ACTR3C: variants seen among roughly 807,000 people sequenced by gnomAD.
ACTR3C encodes the protein actin related protein 3C, also known as actin-related protein 3C.
Under a neutral mutation model 26.3 loss-of-function variants are expected in ACTR3C, and 18 were observed. The observed-to-expected ratio is 0.68, with a 90% CI of 0.47 to 1.01. The LOEUF (loss-of-function observed/expected upper bound fraction) is 1.01, where lower values mean the gene tolerates loss of function less well. Among genes scored for constraint, ACTR3C ranks in the 50% least tolerant of loss-of-function variants. The pLI is 0.00. For synonymous variants in ACTR3C, 55 were observed against 94.5 expected (o/e 0.58, Z 2.42); for missense variants, 184 against 250.7 (o/e 0.73, Z 1.80).
the ACTR3C span, among the ~76,000 whole-genome samples, chr7:150,078,147 G>A: frequency 6.6e-6 from 1 of 152,146 alleles, no homozygotes; most frequent in East Asian, 1.9e-4. Flanking sequence ...TTATCACTAG[G>A]ATGTTTTTCC....
chr7:150,038,857 C>T, the ACTR3C span, among the ~76,000 whole-genome samples: 2 of 128,940 alleles, frequency 1.6e-5, no homozygotes, highest in East Asian at 2.4e-4. Flanking sequence ...GAACCAGGGG[C>T]TGGCTCTCAG....
At chr7:149,994,784 A>C in the ACTR3C span, among the ~76,000 whole-genome samples, 1 of 152,066 alleles carries the variant, frequency 6.6e-6, no homozygotes, top group East Asian at 1.9e-4. Context: ...ATGTTTACTG[A>C]ATGAATGAGT....
intron 1 of ACTR3C, among the ~76,000 whole-genome samples, chr7:150,298,335 T>A (rs1191821534): frequency 6.7e-6 from 1 of 150,016 alleles, no homozygotes; most frequent in Non-Finnish European, 1.5e-5. Context: ...AATACATAAA[T>A]AAAGTACATT....
intron 5 of ACTR3C, 114 bp downstream of exon 5, chr7:150,286,253 C>A: frequency 7.5e-6 from 10 of 1,341,370 alleles, no homozygotes; most frequent in East Asian, 2.4e-5. Flanking sequence ...GCAGAGAGAC[C>A]GAATGACGGC....
intron 4 of ACTR3C, among the ~76,000 whole-genome samples, chr7:150,287,360 A>ATGCTGCTGC (rs147061695): frequency 2.6e-5 from 4 of 151,950 alleles, no homozygotes; most frequent in Non-Finnish European, 5.9e-5. Context: ...AGCCGCCAGG[A>ATGCTGCTGC]TGCTGCTGCT....
chr7:149,960,686 A>G, the ACTR3C span, among the ~76,000 whole-genome samples: 1 of 152,146 alleles, frequency 6.6e-6, no homozygotes, highest in African/African-American at 2.4e-5. Context: ...CCACCAAGAA[A>G]AAACACAGGT....
the ACTR3C span, among the ~76,000 whole-genome samples, chr7:149,888,332 G>A: frequency 5.3e-5 from 8 of 152,174 alleles, no homozygotes; most frequent in Non-Finnish European, 1.0e-4. Flanking sequence ...GAGTCAAAGA[G>A]CTTTTAATAT....
chr7:150,143,382 G>A, the ACTR3C span, among the ~76,000 whole-genome samples: 4 of 152,082 alleles, frequency 2.6e-5, no homozygotes, highest in South Asian at 6.2e-4. Flanking sequence ...CCCTATTGTC[G>A]TGGGGGAATT....
At chr7:150,206,775 C>T in the ACTR3C span, among the ~76,000 whole-genome samples, 252 of 152,260 alleles carry the variant, frequency 1.7e-3, 2 homozygotes, top group African/African-American at 5.7e-3. Context: ...ATGAATAACA[C>T]CTGTATTACA....
the ACTR3C span, among the ~76,000 whole-genome samples, chr7:150,111,366 G>A: frequency 9.5e-6 from 1 of 105,044 alleles, no homozygotes; most frequent in Non-Finnish European, 1.9e-5. Flanking sequence ...GAGGACCTCC[G>A]AGCCCCTCCT....
the ACTR3C span, among the ~76,000 whole-genome samples, chr7:150,039,217 G>A: frequency 3.9e-4 from 59 of 149,392 alleles, no homozygotes; most frequent in East Asian, 9.8e-3. Context: ...CTGCGATGGG[G>A]GTCCTAAGAG....
At chr7:150,227,855 T>A in the ACTR3C span, among the ~76,000 whole-genome samples, 2 of 151,962 alleles carry the variant, frequency 1.3e-5, no homozygotes, top group Non-Finnish European at 2.9e-5. Flanking sequence ...CATTGACCTA[T>A]CTACCTATTC....
chr7:150,321,610 C>T (rs961016351), intron 1 of ACTR3C, among the ~76,000 whole-genome samples: 1 of 152,122 alleles, frequency 6.6e-6, no homozygotes, highest in Non-Finnish European at 1.5e-5. Context: ...TGTGGTGGTT[C>T]ACGCCTGTAG....
At chr7:149,945,636 G>A in the ACTR3C span, among the ~76,000 whole-genome samples, 2 of 152,102 alleles carry the variant, frequency 1.3e-5, no homozygotes, top group African/African-American at 4.8e-5. Context: ...CTGGATGGAT[G>A]GGGGAGGCCT....
chr7:150,042,794 C>T, the ACTR3C span, among the ~76,000 whole-genome samples: 36 of 151,346 alleles, frequency 2.4e-4, no homozygotes, highest in Admixed American at 8.5e-4. Context: ...CGTAGGCTAC[C>T]GGCCTCAGCC....
chr7:150,103,834 A>T, the ACTR3C span, among the ~76,000 whole-genome samples: 1 of 152,028 alleles, frequency 6.6e-6, no homozygotes, highest in East Asian at 1.9e-4. Flanking sequence ...TTTTAGAACA[A>T]CCATTTCTTT....
intron 1 of ACTR3C, among the ~76,000 whole-genome samples, chr7:150,313,640 G>T (rs546136152): frequency 4.4e-4 from 67 of 152,298 alleles, no homozygotes; most frequent in African/African-American, 1.5e-3. Flanking sequence ...GTCTGAACCA[G>T]TTTTTTTCAC....
At chr7:150,038,960 G>A in the ACTR3C span, among the ~76,000 whole-genome samples, 8 of 98,716 alleles carry the variant, frequency 8.1e-5, 2 homozygotes, top group South Asian at 3.1e-4. Context: ...CACTCTTGTG[G>A]TGGGTGCCTC....
At chr7:150,216,131 GA>G in the ACTR3C span, among the ~76,000 whole-genome samples, 1 of 151,484 alleles carries the variant, frequency 6.6e-6, no homozygotes, top group African/African-American at 2.4e-5. Context: ...AGAGAAAAGA[GA>G]AAACAGATAT....
Sources: allele counts gnomAD v4.1 joint callset (sites outside exome capture counted in the v4.1 genomes callset), GRCh38; gene constraint gnomAD v4.1.1; transcripts MANE v1.5; gene names NCBI Gene and HGNC (gene_info 2026-07-23, HGNC 2026-07-21).